ME1: variants seen among roughly 807,000 people sequenced by gnomAD.
ME1 encodes the protein NADP-dependent malic enzyme.
Under a neutral mutation model 66.4 loss-of-function variants are expected in ME1, and 74 were observed. The observed-to-expected ratio is 1.11, with a 90% CI of 0.92 to 1.35. ME1 has a LOEUF of 1.35. ME1 is among the 40% of genes most tolerant of loss of function. The probability of loss-of-function intolerance (pLI) is 0.00; values close to 1 mark genes in which losing one functional copy is unlikely to be tolerated. For synonymous variants in ME1, 251 were observed against 235.6 expected, an observed-to-expected ratio of 1.07 and a Z score of -0.60; for missense variants, 750 against 694.1, an observed-to-expected ratio of 1.08 and a Z score of -0.90.
At chr6:83,257,032 G>A (rs1259146888) in intron 6 of ME1, among the ~76,000 whole-genome samples, 1 of 151,858 alleles carries the variant, frequency 6.6e-6, no homozygotes, top group Non-Finnish European at 1.5e-5. Context: ...CATCACACCG[G>A]GGCCTGTTTG....
chr6:83,226,458 A>G (rs1231971931), intron 11 of ME1, among the ~76,000 whole-genome samples: 4 of 152,152 alleles, frequency 2.6e-5, no homozygotes, highest in African/African-American at 7.2e-5. Flanking sequence ...TTTAAGGACT[A>G]CTGAATAATG....
intron 3 of ME1, chr6:83,393,184 T>G: frequency 5.7e-6 from 7 of 1,236,170 alleles, no homozygotes; most frequent in Non-Finnish European, 3.6e-6. Flanking sequence ...ACCAAGAAGG[T>G]GGTGAAGCAG....
At chr6:83,388,005 C>T (rs916171269) in intron 3 of ME1, among the ~76,000 whole-genome samples, 8 of 151,896 alleles carry the variant, frequency 5.3e-5, no homozygotes, top group African/African-American at 1.5e-4. Context: ...CTTGGAAGTC[C>T]GAAACACATT....
chr6:83,291,370 C>A (rs540588018), intron 6 of ME1, among the ~76,000 whole-genome samples: 1 of 152,282 alleles, frequency 6.6e-6, no homozygotes, highest in Admixed American at 6.5e-5. Context: ...ATTTCTCCTT[C>A]ACTTATGAAG....
At chr6:83,238,566 T>A (rs1447953202) in intron 8 of ME1, among the ~76,000 whole-genome samples, 1 of 152,100 alleles carries the variant, frequency 6.6e-6, no homozygotes, top group East Asian at 1.9e-4. Flanking sequence ...CAAATGTTAA[T>A]GAGCTGTCAT....
chr6:83,393,499 C>T, intron 3 of ME1: 1 of 394,860 alleles, frequency 2.5e-6, no homozygotes, highest in Admixed American at 4.1e-5. Flanking sequence ...AGTCTCCCAC[C>T]ACACTGAGAA....
intron 4 of ME1, 22 bp from the exon 5 acceptor site, chr6:83,346,356 C>G: frequency 6.4e-7 from 1 of 1,552,508 alleles, no homozygotes; most frequent in Non-Finnish European, 8.7e-7. Context: ...AGAAAAATTA[C>G]CTATTAACAA....
chr6:83,411,092 C>T (rs994698502), intron 1 of ME1, among the ~76,000 whole-genome samples: 1 of 152,154 alleles, frequency 6.6e-6, no homozygotes, highest in African/African-American at 2.4e-5. Flanking sequence ...AAAAATACTC[C>T]TATGGGCCGG....
intron 6 of ME1, among the ~76,000 whole-genome samples, chr6:83,279,479 G>GT (rs1767250366): frequency 2.0e-5 from 3 of 152,096 alleles, no homozygotes; most frequent in Admixed American, 2.0e-4. Context: ...AGAAGTCAAA[G>GT]TAACAGTACC....
chr6:83,279,210 T>C (rs888659210), intron 6 of ME1, among the ~76,000 whole-genome samples: 4 of 152,196 alleles, frequency 2.6e-5, no homozygotes, highest in East Asian at 1.9e-4. Flanking sequence ...CCTAGCCAGA[T>C]AAACAAAACC....
intron 5 of ME1, among the ~76,000 whole-genome samples, chr6:83,330,145 T>A (rs973644485): frequency 9.2e-5 from 14 of 152,204 alleles, no homozygotes; most frequent in African/African-American, 3.4e-4. Context: ...GACCTGAAAG[T>A]ATTCTTTAAA....
At chr6:83,251,070 C>T (rs1269336682) in intron 7 of ME1, among the ~76,000 whole-genome samples, 6 of 152,178 alleles carry the variant, frequency 3.9e-5, no homozygotes, top group African/African-American at 1.2e-4. Flanking sequence ...GTTCCACTAA[C>T]GTTAAATACT....
chr6:83,412,727 C>T lies in ME1; in HGVS notation c.79-4826G>A, dbSNP rs549966639. Reference sequence around the variant, plus strand: ...ATCATGTTAAGTGAAAGAAGCCAGACTCAAAAGGCTACATACTGTATGATT... The same window carrying T: ...ATCATGTTAAGTGAAAGAAGCCAGATTCAAAAGGCTACATACTGTATGATT... On this transcript the variant is annotated intron_variant, in intron 1 of 13. Transcript: ENST00000369705. Among the ~76,000 whole-genome samples the T allele has an allele frequency of 1.5e-3, 232 of 152,196 alleles. 1 individual carries two copies. Among genetic ancestry groups the T allele is most frequent in the African/African-American group, 5.3e-3 (222 of 41,528 alleles).
At chr6:83,302,165 G>A (rs1767736603) in intron 6 of ME1, among the ~76,000 whole-genome samples, 1 of 152,158 alleles carries the variant, frequency 6.6e-6, no homozygotes, top group Admixed American at 6.5e-5. Context: ...CTTGGATGGA[G>A]CTGGAGGCCA....
chr6:83,277,757 C>T (rs114592769), intron 6 of ME1, among the ~76,000 whole-genome samples: 8,290 of 151,904 alleles, frequency 0.055, 768 homozygotes, highest in African/African-American at 0.19. Flanking sequence ...CAAAAATTAT[C>T]CTAGCGTGGT....
intron 9 of ME1, among the ~76,000 whole-genome samples, chr6:83,230,135 TTTGTTGTTG>T (rs371189967): frequency 5.9e-5 from 9 of 151,698 alleles, no homozygotes; most frequent in Admixed American, 1.3e-4. Flanking sequence ...TCTGTTTTTT[TTTGTTGTTG>T]TTGTTGTTGT....
At chr6:83,248,321 G>A (rs1790659952) in intron 7 of ME1, among the ~76,000 whole-genome samples, 2 of 152,098 alleles carry the variant, frequency 1.3e-5, no homozygotes, top group Non-Finnish European at 2.9e-5. Flanking sequence ...CAATATTAAA[G>A]GAATTCTGTA....
intron 6 of ME1, among the ~76,000 whole-genome samples, chr6:83,314,404 T>C (rs754407942): frequency 1.3e-5 from 2 of 152,218 alleles, no homozygotes; most frequent in Non-Finnish European, 2.9e-5. Flanking sequence ...TAAGGATTTA[T>C]GCATGATAAG....
Position 83,227,424 on chromosome 6 carries a change from C to A in ME1, c.1186G>T (p.Ala396Ser). ...AAAATAATAGGCCGTTCATTGAAGG[C>A]AGCCATATCTTTGAGAATTTGTTCT... ...FSEQILKDMAAFNERPIIFAL... is the reference protein window; with the variant it reads ...FSEQILKDMASFNERPIIFAL... The change falls in exon 11 of 14, where the codon GCC (alanine) becomes TCC (serine). Residue 396 changes from alanine (A) to serine (S), a missense_variant. Transcript: ENST00000369705. The A allele has an allele frequency of 6.2e-7, 1 of 1,603,474 alleles. No homozygotes were observed. The highest frequency in any genetic ancestry group is 8.5e-7 in the Non-Finnish European group (1 of 1,173,242).
Sources: gnomAD v4.1 joint callset for allele counts (sites outside exome capture counted in the v4.1 genomes callset) on GRCh38, gnomAD v4.1.1 for gene constraint, MANE v1.5 for transcripts, NCBI Gene and HGNC (gene_info 2026-07-23, HGNC 2026-07-21) for gene names.